Variants in MPPED1 observed in about 807,000 individuals in gnomAD.
MPPED1 encodes metallophosphoesterase domain containing 1, also known as metallophosphoesterase domain-containing protein 1.
Under a neutral mutation model 36.2 loss-of-function variants are expected in MPPED1, and 16 were observed. That is an observed-to-expected ratio of 0.44 (90% CI 0.30 to 0.67). The LOEUF (loss-of-function observed/expected upper bound fraction) is 0.67, where lower values mean the gene tolerates loss of function less well. Among genes scored for constraint, MPPED1 ranks in the 30% least tolerant of loss-of-function variants. The pLI is 0.10. For missense variants in MPPED1, 307 were observed against 453.4 expected (o/e 0.68, Z 2.93); for synonymous variants, 199 against 191.3 (o/e 1.04, Z -0.33).
At chr22:43,487,396 G>A (rs1931946464) in intron 4 of MPPED1, among the ~76,000 whole-genome samples, 1 of 152,232 alleles carries the variant, frequency 6.6e-6, no homozygotes, top group Non-Finnish European at 1.5e-5. Context: ...TGACATGGGT[G>A]GTGAGCTCCG....
At chr22:43,470,321 C>T (rs1464716556) in intron 3 of MPPED1, among the ~76,000 whole-genome samples, 1 of 151,106 alleles carries the variant, frequency 6.6e-6, no homozygotes, top group Admixed American at 6.6e-5. Context: ...CATAAACCAG[C>T]CATCTATCCA....
intron 3 of MPPED1, among the ~76,000 whole-genome samples, chr22:43,457,152 T>C (rs933763596): frequency 6.6e-6 from 1 of 152,244 alleles, no homozygotes; most frequent in Non-Finnish European, 1.5e-5. Flanking sequence ...TCTCCTCTTT[T>C]GCTTTTTGGA....
chr22:43,437,363 T>C (rs1046701046), intron 3 of MPPED1, among the ~76,000 whole-genome samples: 1 of 151,004 alleles, frequency 6.6e-6, no homozygotes, highest in Non-Finnish European at 1.5e-5. Flanking sequence ...CATTTAATCC[T>C]CCTGACAATG....
At chr22:43,498,198 A>G (rs1932494105) in intron 4 of MPPED1, 37 bp from the exon 5 acceptor site, 1 of 1,499,646 alleles carries the variant, frequency 6.7e-7, no homozygotes, top group South Asian at 1.2e-5. Context: ...CTGTACTTTC[A>G]CCCGCCCTCC....
At chr22:43,425,849 A>G (rs578191923) in intron 2 of MPPED1, among the ~76,000 whole-genome samples, 3 of 152,350 alleles carry the variant, frequency 2.0e-5, no homozygotes, top group Non-Finnish European at 2.9e-5. Flanking sequence ...GGGGTGCTCA[A>G]GCAGTGAGGC....
At chr22:43,445,675 C>T (rs1341967654) in intron 3 of MPPED1, among the ~76,000 whole-genome samples, 1 of 150,902 alleles carries the variant, frequency 6.6e-6, no homozygotes, top group Non-Finnish European at 1.5e-5. Context: ...ACCCTCCCGT[C>T]TTAGTCCCCC....
chr22:43,483,595 C>A (rs1287734783), intron 4 of MPPED1, among the ~76,000 whole-genome samples: 1 of 142,178 alleles, frequency 7.0e-6, no homozygotes, highest in Non-Finnish European at 1.6e-5. Flanking sequence ...CTCTTAAGAA[C>A]CCTTTTAAAT....
At chr22:43,455,884 G>C (rs1930735595) in intron 3 of MPPED1, among the ~76,000 whole-genome samples, 1 of 152,148 alleles carries the variant, frequency 6.6e-6, no homozygotes. Flanking sequence ...AAGCTTCTTG[G>C]TTTAAGATAA....
At position 43,435,187 on chromosome 22, in the gene MPPED1, C is replaced by T. The variant is rs1929912524; in HGVS notation, c.378C>T (p.Ser126=). The change falls in exon 3 of 7, where the codon AGC becomes AGT. Residue 126 remains serine (S), a synonymous_variant. Coordinates refer to ENST00000443721, the MANE Select transcript of MPPED1 (RefSeq NM_001044370.2). ...ACTTCACTGAGCTGGGGCTCCCGAG[C>T]GAGGTGAAGAAGTTCAACGAGTGGC... ...AGDFTELGLP[S]EVKKFNEWLG... The T allele has an allele frequency of 2.5e-6, 4 of 1,611,126 alleles. No individual in the cohort carries two copies. Among genetic ancestry groups the T allele is most frequent in the Admixed American group, 1.7e-5 (1 of 60,022 alleles).
intron 1 of MPPED1, among the ~76,000 whole-genome samples, chr22:43,412,502 G>C (rs1928937246): frequency 6.6e-6 from 1 of 152,166 alleles, no homozygotes; most frequent in Non-Finnish European, 1.5e-5. Context: ...GATGATAGTG[G>C]TAACAATAGC....
intron 4 of MPPED1, among the ~76,000 whole-genome samples, chr22:43,487,997 C>T (rs1004407743): frequency 2.6e-5 from 4 of 152,076 alleles, no homozygotes; most frequent in African/African-American, 2.4e-5. Flanking sequence ...ACTTGCATTC[C>T]GGGTTTGAGC....
At chr22:43,416,717 A>G (rs1375273147) in intron 1 of MPPED1, 1 of 152,282 alleles carries the variant, frequency 6.6e-6, no homozygotes, top group African/African-American at 2.4e-5. Context: ...GAAAACTAGG[A>G]CGTAGCACTT....
intron 3 of MPPED1, among the ~76,000 whole-genome samples, chr22:43,441,003 T>C (rs1930130967): frequency 6.6e-6 from 1 of 152,084 alleles, no homozygotes; most frequent in Non-Finnish European, 1.5e-5. Context: ...ACCCACCTTC[T>C]TTCCAAATGA....
At chr22:43,444,820 G>C (rs191443504) in intron 3 of MPPED1, among the ~76,000 whole-genome samples, 4 of 152,078 alleles carry the variant, frequency 2.6e-5, no homozygotes, top group Admixed American at 2.0e-4. Context: ...TGTGTAGTTT[G>C]TTATTCATTT....
In MPPED1 at chr22:43,474,182, C is replaced by T. The variant is rs1931467813; in HGVS notation, c.407-554C>T. Among the ~76,000 whole-genome samples the T allele has an allele frequency of 6.6e-6, 1 of 152,038 alleles. No individual in the cohort carries two copies. The highest frequency in any genetic ancestry group is 1.5e-5 in the Non-Finnish European group (1 of 68,016). Reference sequence around the variant, plus strand: ...GGGTGGGGGCCTGGGACCGTGAGGCCAGTGACAGCTAGGGCTGGGGATGCA... The same window carrying T: ...GGGTGGGGGCCTGGGACCGTGAGGCTAGTGACAGCTAGGGCTGGGGATGCA... On this transcript the variant is annotated intron_variant, in intron 3 of 6. Transcript: ENST00000443721. This position sits in a 1 kb window ranked among gnomAD's most constrained non-coding sequence, Gnocchi z 5.2.
intron 1 of MPPED1, among the ~76,000 whole-genome samples, chr22:43,423,103 C>T (rs1034584893): frequency 6.6e-6 from 1 of 152,198 alleles, no homozygotes; most frequent in Admixed American, 6.5e-5. Context: ...TCCCGAAGTG[C>T]TGGGATTACG....
intron 1 of MPPED1, among the ~76,000 whole-genome samples, chr22:43,420,247 T>C (rs974580): frequency 0.84 from 128,164 of 152,124 alleles, 54,464 homozygotes; most frequent in Middle Eastern, 0.95. Context: ...CTGTCCTCCA[T>C]GGCAGAAGCA....
chr22:43,480,731 C>T (rs910692677), intron 4 of MPPED1, among the ~76,000 whole-genome samples: 1 of 151,838 alleles, frequency 6.6e-6, no homozygotes, highest in Admixed American at 6.6e-5. Flanking sequence ...CAAATATCTT[C>T]GTGTTTTTCT....
rs1932832030 is a variant in MPPED1 at position 43,507,605 on chromosome 22, C to A, written c.*1989C>A. 1 of 151,988 alleles carries A rather than the reference C, an allele frequency of 6.6e-6. No individual in the cohort carries two copies. The highest frequency in any genetic ancestry group is 1.5e-5 in the Non-Finnish European group (1 of 68,012). 9.4% of individuals were successfully genotyped at this position (151,988 alleles called of 1,614,324 possible). A position where few individuals can be genotyped will look rare whatever the true frequency, so the allele number is the denominator to read the frequency against. On this transcript the variant is annotated 3_prime_UTR_variant, in exon 7 of 7. Transcript: ENST00000443721. ...CAGCTCCACTCAATTTCTATGTGGA[C>A]CAAGAACGATAAACTTAAAAAAATT...
Sources: gnomAD v4.1 joint callset for allele counts (sites outside exome capture counted in the v4.1 genomes callset) on GRCh38, gnomAD v4.1.1 for gene constraint, Gnocchi (gnomAD v3.1) non-coding constraint, MANE v1.5 for transcripts, NCBI Gene and HGNC (gene_info 2026-07-23, HGNC 2026-07-21) for gene names.